CAPN2: variants seen among roughly 807,000 people sequenced by gnomAD.
CAPN2 encodes the protein calpain 2.
Under a neutral mutation model 102.3 loss-of-function variants are expected in CAPN2, and 92 were observed. The ratio of observed to expected loss-of-function variants is 0.90; its 90% CI spans 0.76 to 1.07. The LOEUF is 1.07. Among genes scored for constraint, CAPN2 ranks in the 50% least tolerant of loss-of-function variants. The pLI is 0.00. For synonymous variants in CAPN2, 340 were observed against 355.4 expected, an observed-to-expected ratio of 0.96 and a Z score of 0.49; for missense variants, 800 against 909.4, an observed-to-expected ratio of 0.88 and a Z score of 1.55.
intron 4 of CAPN2, among the ~76,000 whole-genome samples, chr1:223,746,527 G>A (rs1660754807): frequency 7.1e-6 from 1 of 140,532 alleles, no homozygotes; most frequent in Admixed American, 7.6e-5. Context: ...CACCCAGGCT[G>A]GAGTGAGCGG....
chr1:223,742,516 ATATTTT>A (rs1219808240), intron 2 of CAPN2, among the ~76,000 whole-genome samples: 26 of 113,864 alleles, frequency 2.3e-4, no homozygotes, highest in East Asian at 1.8e-3. Flanking sequence ...ATATATATAT[ATATTTT>A]TTTTTTTTTT....
chr1:223,749,809 G>C (rs1660840871), intron 6 of CAPN2, among the ~76,000 whole-genome samples: 1 of 152,132 alleles, frequency 6.6e-6, no homozygotes, highest in East Asian at 1.9e-4. Context: ...GAGCCTAGGA[G>C]TTCAAGACCA....
At chr1:223,767,366 A>T (rs1389304732) in intron 16 of CAPN2, among the ~76,000 whole-genome samples, 44 of 113,918 alleles carry the variant, frequency 3.9e-4, no homozygotes, top group African/African-American at 1.5e-3. Flanking sequence ...CAGTCCCCAG[A>T]GTGTGATGTT....
At chr1:223,741,179 C>G (rs778670856) in intron 2 of CAPN2, among the ~76,000 whole-genome samples, 17 of 113,512 alleles carry the variant, frequency 1.5e-4, no homozygotes, top group Non-Finnish European at 2.3e-4. Flanking sequence ...AACGCTTACA[C>G]GAGCAGATAT....
At chr1:223,770,229 C>A in intron 17 of CAPN2, 1 of 590,626 alleles carries the variant, frequency 1.7e-6, no homozygotes, top group South Asian at 2.2e-5. Flanking sequence ...GACCTATGGG[C>A]GTTGGCTGGC....
intron 2 of CAPN2, among the ~76,000 whole-genome samples, chr1:223,730,339 A>G (rs111692317): frequency 1.8e-5 from 1 of 56,622 alleles, no homozygotes; most frequent in African/African-American, 3.9e-5. Flanking sequence ...ATATTATGAG[A>G]TTTTTTTTTT....
In CAPN2 at chr1:223,752,891, A is replaced by G. The variant is rs1660938896; in HGVS notation, c.1070A>G (p.Lys357Arg). 3 of 1,614,186 alleles carry G rather than the reference A, an allele frequency of 1.9e-6. No individual in the cohort carries two copies. The highest frequency in any genetic ancestry group is 2.5e-6 in the Non-Finnish European group (3 of 1,180,034). ...ACCAGCGATACCTACAAGAAGTGGAAACTCACCAAAATGGATGGGAACTGG... is the reference window on the plus strand; with the variant it reads ...ACCAGCGATACCTACAAGAAGTGGAGACTCACCAAAATGGATGGGAACTGG... ...TLTSDTYKKW[K>R]LTKMDGNWRR... The change falls in exon 9 of 21, where the codon AAA (lysine) becomes AGA (arginine). Residue 357 changes from lysine (K) to arginine (R), a missense_variant. By Grantham distance (26) the Lys-to-Arg change is conservative. Transcript: ENST00000295006.
At position 223,755,561 on chromosome 1, in the gene CAPN2, C is replaced by G; in HGVS notation, c.1217C>G (p.Thr406Ser). Residue 406 changes from threonine (T) to serine (S), a missense_variant, in exon 10 of 21, where the codon ACC (threonine) becomes AGC (serine). Transcript: ENST00000295006. The surrounding 1 kb of genome is among the most constrained non-coding windows in gnomAD (Gnocchi z 4.1). ...EDEEDGESGCTFLVGLIQKHR... is the reference protein window; with the variant it reads ...EDEEDGESGCSFLVGLIQKHR... ...GAGGAGGATGGGGAGAGCGGCTGCA[C>G]CTTCCTGGTGGGGCTCATTCAGAAG... 1.2e-6 allele frequency: 2 copies of G among 1,613,984 alleles called. No individual in the cohort carries two copies. Among genetic ancestry groups the G allele is most frequent in the Non-Finnish European group, 1.7e-6 (2 of 1,179,952 alleles).
At chr1:223,722,281 C>CTTTTTTTTTT (rs34894876) in intron 2 of CAPN2, among the ~76,000 whole-genome samples, 23 of 85,510 alleles carry the variant, frequency 2.7e-4, no homozygotes, top group Admixed American at 4.6e-4. Flanking sequence ...TTCTTTCTTT[C>CTTTTTTTTTT]TTTTTTTTTT....
At chr1:223,734,816 T>C (rs900218477) in intron 2 of CAPN2, among the ~76,000 whole-genome samples, 2 of 152,330 alleles carry the variant, frequency 1.3e-5, no homozygotes, top group Middle Eastern at 3.4e-3. Context: ...CATATTTTTT[T>C]CATTTAATTC....
rs768124519 is a variant in CAPN2 at position 223,771,864 on chromosome 1, C to T, written c.1959C>T (p.Asp653=). The T allele has an allele frequency of 1.2e-6, 2 of 1,614,110 alleles. No homozygotes were observed. The highest frequency in any genetic ancestry group is 1.7e-6 in the Non-Finnish European group (2 of 1,179,958). The change falls in exon 19 of 21, where the codon GAC becomes GAT. Residue 653 remains aspartate, a synonymous_variant. Transcript: ENST00000295006. ...TCATCGTTGCTCGGTTTGCAGATGA[C>T]CAGCTCATCATCGATTTTGATAATT... The part of the protein sequence containing the change: ...HQVIVARFAD[D]QLIIDFDNFV...
chr1:223,715,428 A>T (rs1271667824), intron 1 of CAPN2, among the ~76,000 whole-genome samples: 2 of 152,084 alleles, frequency 1.3e-5, no homozygotes, highest in Non-Finnish European at 2.9e-5. Flanking sequence ...GGAAGAAGGG[A>T]TTAAAGATAA....
chr1:223,744,257 C>G (rs372469023), intron 3 of CAPN2, 39 bp downstream of exon 3: 1 of 1,304,860 alleles, frequency 7.7e-7, no homozygotes, highest in South Asian at 1.2e-5. Context: ...CTCAACAGGT[C>G]CAGGGGGCTA....
chr1:223,715,040 T>C (rs1659839658), intron 1 of CAPN2, among the ~76,000 whole-genome samples: 1 of 152,164 alleles, frequency 6.6e-6, no homozygotes, highest in Admixed American at 6.5e-5. Flanking sequence ...GTCAAGTGGA[T>C]ATAGGGCATA....
chr1:223,703,344 A>C lies in CAPN2; in HGVS notation c.3+1513A>C, dbSNP rs550655603. On this transcript the variant is annotated intron_variant, in intron 1 of 20. Coordinates refer to the CAPN2 transcript ENST00000433674. ...TTTTTTTTTAGATGGGGGTCTCTCT[A>C]TGTTGTGCAGGCTGGTCTCAAACCC... Among the ~76,000 whole-genome samples, 595 of 150,802 alleles carry C rather than the reference A, an allele frequency of 3.9e-3. 3 individuals are homozygous for C. Among genetic ancestry groups the C allele is most frequent in the Non-Finnish European group, 5.6e-3 (379 of 67,790 alleles).
Position 223,747,023 on chromosome 1 carries a change from CAG to C in CAPN2, c.588_589del (p.Gly198CysfsTer4), listed in dbSNP as rs747013394. ...ATCAACGGATGCTATGAAGCGCTAT[CAG>C]GGGGTGCCACCACTGAGGGCTTCGA... is the stretch of plus-strand genomic sequence containing the variant. On this transcript the variant is annotated frameshift_variant, in exon 5 of 21. Transcript: ENST00000295006. LOFTEE classifies it high-confidence loss of function. The C allele has an allele frequency of 8.1e-6, 13 of 1,613,820 alleles. No homozygotes were observed. The African/African-American group carries it at 1.2e-4, about 15-fold the overall frequency.
chr1:223,767,192 A>T lies in CAPN2; in HGVS notation c.1755+761A>T, dbSNP rs201866918. 1.4e-4 allele frequency among the ~76,000 whole-genome samples: 20 copies of T among 143,356 alleles called. 1 individual carries two copies. The highest frequency in any genetic ancestry group is 4.3e-4 in the South Asian group (2 of 4,602). 94.0% of individuals were successfully genotyped at this position (143,356 alleles called of 152,430 possible). ...GTCTTCTTTATTTATTTATTTATTT[A>T]TTTTTTATTATTATACTTTAAGTTT... On this transcript the variant is annotated intron_variant, in intron 16 of 20. Transcript: ENST00000295006.
chr1:223,722,990 A>G (rs1463940193), intron 2 of CAPN2, among the ~76,000 whole-genome samples: 2 of 152,152 alleles, frequency 1.3e-5, no homozygotes, highest in African/African-American at 2.4e-5. Flanking sequence ...GGGAATATTG[A>G]TCAGAGATTT....
At chr1:223,720,154 C>T (rs943035814) in intron 2 of CAPN2, among the ~76,000 whole-genome samples, 10 of 152,106 alleles carry the variant, frequency 6.6e-5, no homozygotes, top group African/African-American at 2.2e-4. Context: ...CTTCCAAAAA[C>T]GGAGAAGGAA....
Sources: gnomAD v4.1 joint callset for allele counts (sites outside exome capture counted in the v4.1 genomes callset) on GRCh38, gnomAD v4.1.1 for gene constraint, Gnocchi (gnomAD v3.1) non-coding constraint, MANE v1.5 for transcripts, NCBI Gene and HGNC (gene_info 2026-07-23, HGNC 2026-07-21) for gene names.